PCDHA9: variants seen among roughly 807,000 people sequenced by gnomAD.
PCDHA9 encodes the protein protocadherin alpha-9.
A neutral mutation model predicts 62.0 loss-of-function variants in PCDHA9; 62 were observed. The observed-to-expected ratio is 1.00, with a 90% CI of 0.81 to 1.23. PCDHA9 has a LOEUF of 1.23. Among genes scored for constraint, PCDHA9 ranks in the 50% most tolerant of loss-of-function variants. PCDHA9 has a pLI of 0.00. For synonymous variants in PCDHA9, 557 were observed against 567.6 expected, an observed-to-expected ratio of 0.98 and a Z score of 0.27; for missense variants, 1,205 against 1,249.8, an observed-to-expected ratio of 0.96 and a Z score of 0.54.
chr5:140,946,199 A>G (rs1300104764), intron 1 of PCDHA9, among the ~76,000 whole-genome samples: 10 of 151,964 alleles, frequency 6.6e-5, no homozygotes, highest in Admixed American at 5.2e-4. Context: ...CTCAAAAGAA[A>G]GCACACAAAT....
Position 140,978,996 on chromosome 5 carries a change from A to C in PCDHA9, c.2442A>C (p.Ala814=). Residue 814 remains alanine, a synonymous_variant, in exon 2 of 4, where the codon GCA becomes GCC. Transcript: ENST00000532602. ...GGCGTTACTCTGCCTCCCTGAGAGC[A>C]GGCATGCACAGGTATGTATTTCCCT... ...PDWRYSASLR[A]GMHSSVHLEE... is the part of the protein sequence containing the mutation. 6.2e-7 allele frequency: 1 copy of C among 1,614,186 alleles called. No individual in the cohort carries two copies. The highest frequency in any genetic ancestry group is 8.5e-7 in the Non-Finnish European group (1 of 1,180,024).
At chr5:140,989,598 TA>T (rs1554250927) in intron 3 of PCDHA9, among the ~76,000 whole-genome samples, 1 of 152,144 alleles carries the variant, frequency 6.6e-6, no homozygotes, top group Non-Finnish European at 1.5e-5. Flanking sequence ...CTGACACAAG[TA>T]AACTAAAAAT....
At chr5:140,998,943 G>T (rs1366415632) in intron 3 of PCDHA9, among the ~76,000 whole-genome samples, 2 of 152,212 alleles carry the variant, frequency 1.3e-5, no homozygotes, top group African/African-American at 2.4e-5. Flanking sequence ...TGAAGAAACT[G>T]TAAGTCAATG....
rs1563185469 is a variant in PCDHA9 at position 140,941,211 on chromosome 5, CTTCCTTT to C, written c.2395-37737_2395-37731del. On this transcript the variant is annotated intron_variant, in intron 1 of 3. Coordinates refer to ENST00000532602, the MANE Select transcript of PCDHA9 (RefSeq NM_031857.2). The stretch of plus-strand genomic sequence containing the variant: ...TTTTTTTTTCTTTCTTCCTTTCTTT[CTTCCTTT>C]CTTTCTTTCTTTCTTTCTTTCTTTC... Among the ~76,000 whole-genome samples, 1,009 of 129,652 alleles carry C rather than the reference CTTCCTTT, an allele frequency of 7.8e-3. 14 individuals are homozygous for C. Among genetic ancestry groups the C allele is most frequent in the Middle Eastern group, 0.036 (9 of 248 alleles). 85.1% of individuals were successfully genotyped at this position (129,652 alleles called of 152,430 possible).
chr5:140,871,468 G>A lies in PCDHA9; in HGVS notation c.2394+20579G>A, dbSNP rs781821721. 4 of 1,602,054 alleles carry A rather than the reference G, an allele frequency of 2.5e-6. No individual in the cohort carries two copies. In the Admixed American group the frequency reaches 5.2e-5, roughly 21 times the overall value. On this transcript the variant is annotated intron_variant, in intron 1 of 3. Transcript: ENST00000532602. Reference sequence around the variant, plus strand: ...TAAAGAGGAGGAAGGGGAAAGACAGGAGCCAGGGTCAAATCACCCCGGACA... The same window carrying A: ...TAAAGAGGAGGAAGGGGAAAGACAGAAGCCAGGGTCAAATCACCCCGGACA...
At chr5:140,886,257 T>C (rs1391638514) in intron 1 of PCDHA9, among the ~76,000 whole-genome samples, 38 of 152,026 alleles carry the variant, frequency 2.5e-4, no homozygotes, top group Admixed American at 2.5e-3. Context: ...AGTATCTCTA[T>C]TTATAGATAA....
At chr5:140,907,377 C>T (rs2073348359) in intron 1 of PCDHA9, among the ~76,000 whole-genome samples, 1 of 152,124 alleles carries the variant, frequency 6.6e-6, no homozygotes, top group Non-Finnish European at 1.5e-5. Context: ...AAAGTGAGTG[C>T]CTTGGTCAAA....
intron 1 of PCDHA9, chr5:140,883,358 C>A (rs1554177826): frequency 6.2e-7 from 1 of 1,614,192 alleles, no homozygotes; most frequent in South Asian, 1.1e-5. Context: ...AGAAGACACT[C>A]AGCCTAGCGC....
intron 1 of PCDHA9, among the ~76,000 whole-genome samples, chr5:140,914,947 T>TC (rs1232423561): frequency 7.0e-6 from 1 of 142,282 alleles, no homozygotes; most frequent in Non-Finnish European, 1.5e-5. Context: ...AAGTTGTCTT[T>TC]TTTTTTTTTT....
chr5:140,985,494 C>G (rs1217361161), intron 3 of PCDHA9, among the ~76,000 whole-genome samples: 2 of 152,136 alleles, frequency 1.3e-5, no homozygotes, highest in Non-Finnish European at 2.9e-5. Flanking sequence ...TCAAATAGAG[C>G]CTGCCTTTCA....
intron 1 of PCDHA9, among the ~76,000 whole-genome samples, chr5:140,901,870 TTTC>T (rs2068953949): frequency 6.6e-6 from 1 of 152,202 alleles, no homozygotes. Flanking sequence ...TCCTCTTCAA[TTTC>T]TTTCATCAGC....
At chr5:140,874,834 T>C (rs756394440) in intron 1 of PCDHA9, among the ~76,000 whole-genome samples, 17 of 152,260 alleles carry the variant, frequency 1.1e-4, no homozygotes, top group Non-Finnish European at 2.5e-4. Context: ...AAATATTGTT[T>C]GGTATTAGAC....
chr5:140,946,781 G>A (rs1006814243), intron 1 of PCDHA9, among the ~76,000 whole-genome samples: 6 of 151,330 alleles, frequency 4.0e-5, no homozygotes, highest in African/African-American at 1.2e-4. Flanking sequence ...ATGTAAAAAA[G>A]CTGATCTTAT....
chr5:140,881,012 G>C (rs1445864276), intron 1 of PCDHA9, among the ~76,000 whole-genome samples: 2 of 152,202 alleles, frequency 1.3e-5, no homozygotes, highest in Admixed American at 1.3e-4. Flanking sequence ...CAGAGCTATG[G>C]AAATAAACCC....
chr5:140,869,501 T>A (rs200485559), intron 1 of PCDHA9: 1 of 1,614,192 alleles, frequency 6.2e-7, no homozygotes, highest in Admixed American at 1.7e-5. Flanking sequence ...CCGCCGGTGT[T>A]CTCGCTCAGA....
chr5:140,968,737 C>T, intron 1 of PCDHA9: 2 of 1,614,148 alleles, frequency 1.2e-6, no homozygotes, highest in Non-Finnish European at 1.7e-6. Flanking sequence ...GCACTTTCAA[C>T]CTGACCGTGG....
intron 1 of PCDHA9, chr5:140,859,639 T>G (rs1419564799): frequency 6.3e-6 from 1 of 159,542 alleles, no homozygotes; most frequent in Non-Finnish European, 1.4e-5. Flanking sequence ...GAGATTGAAT[T>G]TGTTACTCAG....
chr5:140,993,397 T>C (rs2097553822), intron 3 of PCDHA9, among the ~76,000 whole-genome samples: 2 of 151,682 alleles, frequency 1.3e-5, no homozygotes, highest in Admixed American at 1.3e-4. Context: ...ACTCCATCAT[T>C]AACCACCTTC....
rs116346509 is a variant in PCDHA9 at position 140,904,582 on chromosome 5, G to A, written c.2394+53693G>A. ...TTTTTTTCCTCTGGGTAGACACCCA[G>A]TAGTGGGACTGCTGGATCAAATAGT... On this transcript the variant is annotated intron_variant, in intron 1 of 3. Transcript: ENST00000532602. Among the ~76,000 whole-genome samples, 650 of 152,092 alleles carry A rather than the reference G, an allele frequency of 4.3e-3. 5 individuals are homozygous for A. The highest frequency in any genetic ancestry group is 5.5e-3 in the Non-Finnish European group (373 of 67,986).
Sources: gnomAD v4.1 joint callset for allele counts (sites outside exome capture counted in the v4.1 genomes callset) on GRCh38, gnomAD v4.1.1 for gene constraint, MANE v1.5 for transcripts, NCBI Gene and HGNC (gene_info 2026-07-23, HGNC 2026-07-21) for gene names.